RANBP3L: variants seen among roughly 807,000 people sequenced by gnomAD.
RANBP3L encodes the protein RAN binding protein 3 like.
Under a neutral mutation model 67.2 loss-of-function variants are expected in RANBP3L, and 56 were observed. The ratio of observed to expected loss-of-function variants is 0.83; its 90% CI spans 0.67 to 1.04. RANBP3L has a LOEUF of 1.04. RANBP3L is among the 50% of genes least tolerant of loss of function. RANBP3L has a pLI of 0.00. For synonymous variants in RANBP3L, 164 were observed against 181.4 expected, an observed-to-expected ratio of 0.90 and a Z score of 0.77; for missense variants, 496 against 535.5, an observed-to-expected ratio of 0.93 and a Z score of 0.73.
intron 1 of RANBP3L, among the ~76,000 whole-genome samples, chr5:36,280,671 G>A (rs1412575766): frequency 1.3e-5 from 2 of 152,124 alleles, no homozygotes; most frequent in Non-Finnish European, 2.9e-5. Context: ...CACGTGCAGT[G>A]CTAGCTTTTT....
chr5:36,301,551 T>C lies in RANBP3L; in HGVS notation c.-135A>G, dbSNP rs2112210313. ...ATCTTGTCTTTGCATGTACAACATA[T>C]ACTCCTCTACTAAACTTCCAAGCTT... On this transcript the variant is annotated 5_prime_UTR_variant, in exon 1 of 14. Coordinates refer to ENST00000296604, the MANE Select transcript of RANBP3L (RefSeq NM_145000.5). 1 of 550,270 alleles carries C rather than the reference T, an allele frequency of 1.8e-6. No homozygotes were observed. The highest frequency in any genetic ancestry group is 3.3e-6 in the Non-Finnish European group (1 of 306,046). The allele number at this position is 550,270 out of a possible 1,614,324, so 34.1% of individuals were successfully genotyped here.
At chr5:36,270,179 G>A (rs530437553) in intron 2 of RANBP3L, among the ~76,000 whole-genome samples, 189 bp from the exon 3 acceptor site, 4 of 152,272 alleles carry the variant, frequency 2.6e-5, no homozygotes, top group African/African-American at 7.2e-5. Context: ...TAATAAGCCC[G>A]GCCAGGACAA....
chr5:36,284,262 TTTTG>T (rs1019595161), intron 1 of RANBP3L, among the ~76,000 whole-genome samples: 1 of 152,230 alleles, frequency 6.6e-6, no homozygotes, highest in Non-Finnish European at 1.5e-5. Context: ...TCCTATGACC[TTTTG>T]TTTGTTTATT....
chr5:36,288,976 C>T (rs1201484677), intron 1 of RANBP3L, among the ~76,000 whole-genome samples: 1 of 151,562 alleles, frequency 6.6e-6, no homozygotes, highest in African/African-American at 2.4e-5. Context: ...ATGGTCAGTG[C>T]TTTTTTGTCA....
At position 36,301,338 on chromosome 5, in the gene RANBP3L, G is replaced by T. The variant is rs199744327; in HGVS notation, c.79C>A (p.Arg27=). ...HTCKLKLQED[R]RQQEKSVIAQ... ...TGGACGGACTCACCTTGCTGTCGCC[G>T]GTCCTCCTGCAGCTTCAGTTTACAG... The change falls in exon 1 of 14, where the codon CGG becomes AGG. Residue 27 remains arginine, a synonymous_variant. Transcript: ENST00000296604. The T allele has an allele frequency of 1.9e-5, 30 of 1,613,028 alleles. No individual in the cohort carries two copies. The highest frequency in any genetic ancestry group is 2.5e-5 in the Non-Finnish European group (29 of 1,179,210).
At chr5:36,292,931 T>C (rs1235650477) in intron 1 of RANBP3L, among the ~76,000 whole-genome samples, 2 of 148,250 alleles carry the variant, frequency 1.3e-5, no homozygotes, top group Non-Finnish European at 3.0e-5. Flanking sequence ...TTTCCAATTC[T>C]GTGAAGAAAG....
At chr5:36,254,466 C>G (rs1748823407) in intron 11 of RANBP3L, among the ~76,000 whole-genome samples, 1 of 151,594 alleles carries the variant, frequency 6.6e-6, no homozygotes, top group Admixed American at 6.6e-5. Flanking sequence ...AAGAAAGTTT[C>G]TTTTGGGGTT....
intron 6 of RANBP3L, among the ~76,000 whole-genome samples, chr5:36,264,610 G>A (rs1410310704): frequency 6.6e-6 from 1 of 152,156 alleles, no homozygotes; most frequent in African/African-American, 2.4e-5. Flanking sequence ...TTGACCAGTT[G>A]GCGATGTAGA....
rs1193523908 is a variant in RANBP3L at position 36,247,404 on chromosome 5, A to G, written c.*2250T>C. Reference sequence around the variant, plus strand: ...TGCCTTGCTGATATTCTAACCCTACATTTGGTTTTGTTGCACTGGCATTTC... The same window carrying G: ...TGCCTTGCTGATATTCTAACCCTACGTTTGGTTTTGTTGCACTGGCATTTC... On this transcript the variant is annotated 3_prime_UTR_variant, in exon 14 of 14. Transcript: ENST00000296604. 6.6e-6 allele frequency among the ~76,000 whole-genome samples: 1 copy of G among 152,110 alleles called. No homozygotes were observed. Among genetic ancestry groups the G allele is most frequent in the East Asian group, 1.9e-4 (1 of 5,196 alleles).
At chr5:36,261,369 T>C (rs1268414613) in intron 7 of RANBP3L, among the ~76,000 whole-genome samples, 1 of 152,144 alleles carries the variant, frequency 6.6e-6, no homozygotes, top group Non-Finnish European at 1.5e-5. Context: ...GCCCGCTCTT[T>C]GTAGACAGAT....
intron 1 of RANBP3L, among the ~76,000 whole-genome samples, chr5:36,280,897 T>G (rs1579750598): frequency 6.6e-6 from 1 of 152,186 alleles, no homozygotes. Context: ...TTTACTCTTT[T>G]GCCTTTTGAA....
rs563605877 is a variant in RANBP3L, at chr5:36,265,374, CACACATAT to C, written c.340+67_340+74del. 6.4e-4 allele frequency: 606 copies of C among 942,178 alleles called. 2 individuals carry two copies. In the African/African-American group the frequency reaches 9.5e-3, roughly 15 times the overall value. The allele number at this position is 942,178 out of a possible 1,614,324, so 58.4% of individuals were successfully genotyped here. A position where few individuals can be genotyped will look rare whatever the true frequency, so the allele number is the denominator to read the frequency against. On this transcript the variant is annotated intron_variant, in intron 5 of 13. Transcript: ENST00000296604. Reference sequence around the variant, plus strand: ...CCTACCTCCATGCCCCCAACACACGCACACATATAGGGAGATGAAAATATAGGTGGTAA... The same window carrying C: ...CCTACCTCCATGCCCCCAACACACGCAGGGAGATGAAAATATAGGTGGTAA...
Position 36,247,457 on chromosome 5 carries a change from A to G in RANBP3L, c.*2197T>C, listed in dbSNP as rs1292372539. Among the ~76,000 whole-genome samples the G allele has an allele frequency of 6.6e-6, 1 of 152,196 alleles. No homozygotes were observed. The highest frequency in any genetic ancestry group is 1.5e-5 in the Non-Finnish European group (1 of 68,026). ...TATAGATGAGAAATTAAGATAGTTA[A>G]TTTTTTCCATTGATATATGCGGAGA... On this transcript the variant is annotated 3_prime_UTR_variant, in exon 14 of 14. Coordinates refer to ENST00000296604, the MANE Select transcript of RANBP3L (RefSeq NM_145000.5).
intron 12 of RANBP3L, 131 bp downstream of exon 12, chr5:36,253,516 A>G: frequency 1.5e-6 from 1 of 673,978 alleles, no homozygotes; most frequent in South Asian, 1.9e-5. Flanking sequence ...TATGCTATAA[A>G]CAGACATAAT....
chr5:36,292,192 T>C (rs1751838784), intron 1 of RANBP3L, among the ~76,000 whole-genome samples: 1 of 152,198 alleles, frequency 6.6e-6, no homozygotes, highest in Admixed American at 6.5e-5. Context: ...GCTGCATAAA[T>C]GTCTTCTTTT....
At chr5:36,265,187 A>AT in intron 5 of RANBP3L, 89 bp from the exon 6 acceptor site, 2 of 903,896 alleles carry the variant, frequency 2.2e-6, no homozygotes, top group Non-Finnish European at 3.2e-6. Context: ...CTTATTTTCT[A>AT]AAGTCATGTT....
At chr5:36,291,222 C>T (rs1375378751) in intron 1 of RANBP3L, among the ~76,000 whole-genome samples, 2 of 152,116 alleles carry the variant, frequency 1.3e-5, no homozygotes, top group Non-Finnish European at 2.9e-5. Flanking sequence ...TCAATCCTTT[C>T]TGCCCCAAAA....
At chr5:36,250,838 TC>T (rs1283995007) in intron 13 of RANBP3L, among the ~76,000 whole-genome samples, 1 of 152,084 alleles carries the variant, frequency 6.6e-6, no homozygotes, top group Admixed American at 6.6e-5. Context: ...TAGTACTTTT[TC>T]CCCTAGATAA....
intron 4 of RANBP3L, chr5:36,268,100 A>G: frequency 1.3e-6 from 1 of 795,796 alleles, no homozygotes; most frequent in Non-Finnish European, 1.9e-6. Flanking sequence ...AAGTGTCAGC[A>G]TTTTATGATC....
Sources: allele counts gnomAD v4.1 joint callset (sites outside exome capture counted in the v4.1 genomes callset), GRCh38; gene constraint gnomAD v4.1.1; transcripts MANE v1.5; gene names NCBI Gene and HGNC (gene_info 2026-07-23, HGNC 2026-07-21).